Variants in CRACD observed in about 807,000 individuals in gnomAD.
The protein encoded by CRACD is capping protein inhibiting regulator of actin dynamics, also known as capping protein-inhibiting regulator of actin dynamics.
A neutral mutation model predicts 106.8 loss-of-function variants in CRACD; 56 were observed. The ratio of observed to expected loss-of-function variants is 0.52; its 90% CI spans 0.42 to 0.66. CRACD has a LOEUF of 0.66. Ranked by LOEUF, CRACD falls within the 30% of genes least tolerant of loss-of-function variation. CRACD has a pLI of 0.00. For missense variants in CRACD, 1,730 were observed against 1,623.2 expected (o/e 1.07, Z -1.13); for synonymous variants, 754 against 670.8 (o/e 1.12, Z -1.92).
intron 3 of CRACD, among the ~76,000 whole-genome samples, chr4:56,280,923 T>C (rs1422952444): frequency 6.6e-6 from 1 of 152,140 alleles, no homozygotes; most frequent in African/African-American, 2.4e-5. Context: ...TGACTGTTTA[T>C]CCTCTATCCT....
At chr4:56,300,889 G>A (rs1219887054) in intron 4 of CRACD, among the ~76,000 whole-genome samples, 1 of 152,190 alleles carries the variant, frequency 6.6e-6, no homozygotes, top group East Asian at 1.9e-4. Flanking sequence ...ATAACCTGAT[G>A]TCATAATTAA....
rs150339248 is a variant in CRACD, at chr4:56,250,396, A to G, written c.-188-21925A>G. Among the ~76,000 whole-genome samples the G allele has an allele frequency of 8.2e-3, 1,245 of 152,276 alleles. 14 individuals carry two copies. The highest frequency in any genetic ancestry group is 0.028 in the African/African-American group (1,177 of 41,538). On this transcript the variant is annotated intron_variant, in intron 2 of 10. Coordinates refer to ENST00000682029, the MANE Select transcript of CRACD (RefSeq NM_001393381.1). The stretch of plus-strand genomic sequence containing the variant: ...GTGCTTTATATACCATATCTAATTT[A>G]TTCCTTACAAGTCAATAAGCTGTGT...
At chr4:56,148,574 T>C (rs1463696146) in intron 1 of CRACD, among the ~76,000 whole-genome samples, 1 of 152,148 alleles carries the variant, frequency 6.6e-6, no homozygotes, top group African/African-American at 2.4e-5. Context: ...ATTACAGGCA[T>C]GAGCCATTGT....
At chr4:56,188,703 C>CAG (rs1282235015) in intron 2 of CRACD, among the ~76,000 whole-genome samples, 6 of 139,492 alleles carry the variant, frequency 4.3e-5, no homozygotes, top group Non-Finnish European at 1.5e-5. Context: ...CACACACACA[C>CAG]ACACACACAG....
chr4:56,092,082 A>G (rs1191662208), intron 1 of CRACD, among the ~76,000 whole-genome samples: 1 of 152,230 alleles, frequency 6.6e-6, no homozygotes, highest in Non-Finnish European at 1.5e-5. Context: ...TGAACAGTGA[A>G]CAAATAAATG....
intron 1 of CRACD, among the ~76,000 whole-genome samples, chr4:56,122,374 G>C (rs1158502012): frequency 1.3e-5 from 2 of 151,426 alleles, no homozygotes; most frequent in African/African-American, 4.9e-5. Context: ...AGCAGGGAAG[G>C]GGAAAAAGAA....
intron 1 of CRACD, among the ~76,000 whole-genome samples, chr4:56,119,433 C>T (rs1467619179): frequency 2.0e-5 from 3 of 151,788 alleles, no homozygotes; most frequent in African/African-American, 4.8e-5. Context: ...TGGGCTCAAG[C>T]GATCCTCCCA....
At chr4:56,273,166 G>T (rs1487450472) in intron 3 of CRACD, among the ~76,000 whole-genome samples, 1 of 152,064 alleles carries the variant, frequency 6.6e-6, no homozygotes, top group African/African-American at 2.4e-5. Context: ...GGTTGTCATG[G>T]GCTAGACTTT....
chr4:56,303,205 C>T (rs1250302052), intron 4 of CRACD, among the ~76,000 whole-genome samples: 3 of 152,112 alleles, frequency 2.0e-5, no homozygotes, highest in Non-Finnish European at 4.4e-5. Flanking sequence ...ATTAGCAGGA[C>T]GTGCAGGCAT....
chr4:56,276,337 G>A (rs76530295), intron 3 of CRACD, among the ~76,000 whole-genome samples: 1,660 of 152,260 alleles, frequency 0.011, 13 homozygotes, highest in Non-Finnish European at 0.018. Flanking sequence ...GATTCTTTAT[G>A]TGGGACTCGA....
At chr4:56,275,130 A>G (rs554074043) in intron 3 of CRACD, among the ~76,000 whole-genome samples, 1 of 152,250 alleles carries the variant, frequency 6.6e-6, no homozygotes, top group African/African-American at 2.4e-5. Flanking sequence ...AATCTACTTG[A>G]GTGTGGAGGG....
At chr4:56,193,830 A>G (rs1005402350) in intron 2 of CRACD, among the ~76,000 whole-genome samples, 9 of 152,116 alleles carry the variant, frequency 5.9e-5, no homozygotes, top group African/African-American at 2.2e-4. Flanking sequence ...TTATATTCCA[A>G]TACTGGAGCA....
chr4:56,113,677 T>C (rs1242088886), intron 1 of CRACD, among the ~76,000 whole-genome samples: 2 of 152,184 alleles, frequency 1.3e-5, no homozygotes, highest in African/African-American at 2.4e-5. Context: ...TCTCAGAGTA[T>C]TGGACAAATC....
intron 2 of CRACD, among the ~76,000 whole-genome samples, chr4:56,181,691 GGTT>G (rs1736827018): frequency 6.6e-6 from 1 of 152,202 alleles, no homozygotes; most frequent in East Asian, 1.9e-4. Flanking sequence ...GGCTTCTGGT[GGTT>G]GTTGGCAATC....
intron 2 of CRACD, among the ~76,000 whole-genome samples, chr4:56,212,061 A>G (rs1344615314): frequency 2.6e-5 from 4 of 152,278 alleles, no homozygotes; most frequent in East Asian, 1.9e-4. Flanking sequence ...GGCACAATAT[A>G]CAGGTCACAA....
intron 2 of CRACD, among the ~76,000 whole-genome samples, chr4:56,237,468 A>G (rs1476707554): frequency 2.6e-5 from 4 of 152,142 alleles, no homozygotes; most frequent in African/African-American, 9.7e-5. Context: ...AATTGGGCTG[A>G]TTATAAATTT....
intron 1 of CRACD, among the ~76,000 whole-genome samples, chr4:56,155,935 T>A (rs1577698595): frequency 1.3e-5 from 2 of 152,146 alleles, no homozygotes; most frequent in African/African-American, 4.8e-5. Flanking sequence ...TTTGTGAACC[T>A]ATGGGAAAAA....
In CRACD at chr4:56,300,184, G is replaced by A. The variant is rs544778666; in HGVS notation, c.120+1835G>A. Among the ~76,000 whole-genome samples, 13 of 152,254 alleles carry A rather than the reference G, an allele frequency of 8.5e-5. No individual in the cohort carries two copies. The East Asian group carries it at 9.6e-4, about 11-fold the overall frequency. On this transcript the variant is annotated intron_variant, in intron 4 of 10. Coordinates refer to ENST00000682029, the MANE Select transcript of CRACD (RefSeq NM_001393381.1). ...TGAGGTGTTCTTGTTTCTATGGAGCGTAGGCTGTGTATTTTGTGATATTTT... is the reference window on the plus strand; with the variant it reads ...TGAGGTGTTCTTGTTTCTATGGAGCATAGGCTGTGTATTTTGTGATATTTT...
At chr4:56,091,506 A>G (rs1733424967) in intron 1 of CRACD, among the ~76,000 whole-genome samples, 1 of 152,122 alleles carries the variant, frequency 6.6e-6, no homozygotes, top group African/African-American at 2.4e-5. Context: ...ATAAATGATC[A>G]TTTAACTCAT....
Sources: allele counts gnomAD v4.1 joint callset (sites outside exome capture counted in the v4.1 genomes callset), GRCh38; gene constraint gnomAD v4.1.1; transcripts MANE v1.5; gene names NCBI Gene and HGNC (gene_info 2026-07-23, HGNC 2026-07-21).